Variants in ZPBP observed in about 807,000 individuals in gnomAD.
ZPBP encodes the protein zona pellucida binding protein, also known as zona pellucida-binding protein 1.
Under a neutral mutation model 44.8 loss-of-function variants are expected in ZPBP, and 26 were observed. The observed-to-expected ratio is 0.58, with a 90% CI of 0.43 to 0.81. The LOEUF (loss-of-function observed/expected upper bound fraction) is 0.81, where lower values mean the gene tolerates loss of function less well. Among genes scored for constraint, ZPBP ranks in the 30% least tolerant of loss-of-function variants. The probability of loss-of-function intolerance (pLI) is 0.00; values close to 1 mark genes in which losing one functional copy is unlikely to be tolerated. For missense variants in ZPBP, 409 were observed against 434.0 expected (o/e 0.94, Z 0.51); for synonymous variants, 174 against 153.2 (o/e 1.14, Z -1.00).
At chr7:49,877,013 G>T (rs1366969168) in intron 2 of ZPBP, among the ~76,000 whole-genome samples, 4 of 152,118 alleles carry the variant, frequency 2.6e-5, no homozygotes, top group Non-Finnish European at 4.4e-5. Flanking sequence ...GTCTTGGGGT[G>T]CAGGGCACTC....
chr7:49,982,451 C>T (rs568090022), intron 7 of ZPBP, among the ~76,000 whole-genome samples: 2 of 145,148 alleles, frequency 1.4e-5, no homozygotes, highest in East Asian at 3.9e-4. Context: ...TATTCTATTT[C>T]CTAATATTCC....
intron 6 of ZPBP, among the ~76,000 whole-genome samples, chr7:49,995,879 G>A (rs1438428680): frequency 6.6e-6 from 1 of 152,124 alleles, no homozygotes; most frequent in Admixed American, 6.6e-5. Context: ...GAGGGTTTGG[G>A]GGCGGGCAGT....
rs1226177998 is a variant in ZPBP, at chr7:50,084,237, T to C, written c.209-2338A>G. 2.6e-5 allele frequency among the ~76,000 whole-genome samples: 4 copies of C among 151,960 alleles called. No individual in the cohort carries two copies. The East Asian group carries it at 7.8e-4, about 29-fold the overall frequency. ...AAGCACCACTGAAGGAAGTGTGAAC[T>C]GGTGCAGCCTTTTTGAAGAGCAAAG... is the stretch of plus-strand genomic sequence containing the variant. On this transcript the variant is annotated intron_variant, in intron 2 of 7. Transcript: ENST00000046087.
chr7:49,940,659 A>T (rs1794836267), intron 7 of ZPBP: 1 of 672,158 alleles, frequency 1.5e-6, no homozygotes. Flanking sequence ...GAATCCAAAA[A>T]AAAAAAAGCT....
chr7:50,063,581 C>A (rs1400810640), intron 3 of ZPBP, among the ~76,000 whole-genome samples: 1 of 152,052 alleles, frequency 6.6e-6, no homozygotes, highest in African/African-American at 2.4e-5. Context: ...GTTTTGAATC[C>A]TTTAAAGCTT....
At chr7:50,040,671 G>T (rs1037350355) in intron 4 of ZPBP, among the ~76,000 whole-genome samples, 1 of 152,188 alleles carries the variant, frequency 6.6e-6, no homozygotes, top group African/African-American at 2.4e-5. Context: ...CAGACCAGGA[G>T]ATTCCCTCAG....
chr7:49,889,737 T>C (rs1792051666), intron 2 of ZPBP, among the ~76,000 whole-genome samples: 1 of 152,184 alleles, frequency 6.6e-6, no homozygotes, highest in Non-Finnish European at 1.5e-5. Flanking sequence ...AAAGAACTTA[T>C]TGGAAATAAA....
In ZPBP at chr7:50,007,389, A is replaced by G. The variant is rs565059229; in HGVS notation, c.783+10851T>C. Among the ~76,000 whole-genome samples, 247 of 152,174 alleles carry G rather than the reference A, an allele frequency of 1.6e-3. 8 individuals carry two copies. The South Asian group carries it at 0.049, about 30-fold the overall frequency. On this transcript the variant is annotated intron_variant, in intron 6 of 7. Coordinates refer to ENST00000046087, the MANE Select transcript of ZPBP (RefSeq NM_007009.3). ...CTGTAACTAGTAAGGAAATTGAATC[A>G]GTAACAAAAAACTTTCCAACAAAGA...
chr7:49,911,762 T>C (rs1385409300), intron 1 of ZPBP, among the ~76,000 whole-genome samples: 2 of 151,792 alleles, frequency 1.3e-5, no homozygotes, highest in African/African-American at 4.8e-5. Flanking sequence ...CTGGGTATAG[T>C]GGCATGCCCC....
chr7:49,846,361 C>A (rs746060489), downstream of ZPBP, among the ~76,000 whole-genome samples: 2 of 152,338 alleles, frequency 1.3e-5, no homozygotes, highest in Non-Finnish European at 2.9e-5. Context: ...GGTCTCTTAA[C>A]AGCTGTCCAC....
chr7:49,872,980 C>T (rs483739), intron 2 of ZPBP, among the ~76,000 whole-genome samples: 3,204 of 140,562 alleles, frequency 0.023, 135 homozygotes, highest in African/African-American at 0.079. Flanking sequence ...AAATAATTCT[C>T]TAAATAATTA....
chr7:49,981,365 AATTATATATATTATATATAATTATATAT>A (rs1476352072), intron 7 of ZPBP, among the ~76,000 whole-genome samples: 30 of 14,770 alleles, frequency 2.0e-3, no homozygotes, highest in East Asian at 3.7e-3. Flanking sequence ...TATTATATAT[AATTATATATATTATATATAATTATATAT>A]ATTATATATA....
rs78978689 is a variant in ZPBP, at chr7:49,926,274, G to T, written n.411+9477C>A. 8.5e-5 allele frequency among the ~76,000 whole-genome samples: 13 copies of T among 152,288 alleles called. No homozygotes were observed. In the East Asian group the frequency reaches 2.5e-3, roughly 29 times the overall value. ...TCTTGTGGAACATAATGCTCTGTTG[G>T]GTTATTTTAACTTCATATAATTTAT... is the stretch of plus-strand genomic sequence containing the variant. On this transcript the variant is annotated intron_variant and non_coding_transcript_variant, in intron 1 of 2. Coordinates refer to the ZPBP transcript ENST00000465922.
At chr7:49,857,009 C>CAAAAAAAAAAAA (rs59910243) in intron 2 of ZPBP, among the ~76,000 whole-genome samples, 27 of 52,786 alleles carry the variant, frequency 5.1e-4, no homozygotes, top group South Asian at 3.1e-3. Context: ...GATACTGTCT[C>CAAAAAAAAAAAA]AAAAAAAAAA....
intron 7 of ZPBP, among the ~76,000 whole-genome samples, chr7:49,977,668 T>A (rs6948934): frequency 0.8 from 121,157 of 151,926 alleles, 48,465 homozygotes; most frequent in East Asian, 0.89. Flanking sequence ...ATTCTTTTTT[T>A]AAAAAAGAGA....
At chr7:50,033,585 G>A (rs995726229) in intron 4 of ZPBP, among the ~76,000 whole-genome samples, 13 of 152,276 alleles carry the variant, frequency 8.5e-5, no homozygotes, top group African/African-American at 3.1e-4. Context: ...TCCTAAACTG[G>A]AGAGGATTTT....
chr7:50,067,978 A>G (rs574148555), intron 3 of ZPBP, among the ~76,000 whole-genome samples: 1 of 152,300 alleles, frequency 6.6e-6, no homozygotes, highest in South Asian at 2.1e-4. Flanking sequence ...TAGAACCTCT[A>G]TGGCCTCCCT....
At chr7:49,861,456 T>C (rs1254367428) in intron 2 of ZPBP, among the ~76,000 whole-genome samples, 2 of 152,220 alleles carry the variant, frequency 1.3e-5, no homozygotes, top group South Asian at 2.1e-4. Flanking sequence ...TTCACTGTCT[T>C]GATAAAATAT....
At chr7:49,899,507 A>T (rs991151760) in intron 2 of ZPBP, among the ~76,000 whole-genome samples, 1 of 152,166 alleles carries the variant, frequency 6.6e-6, no homozygotes, top group East Asian at 1.9e-4. Context: ...GACTAATCAA[A>T]ATAAAGGATA....
Sources: allele counts gnomAD v4.1 joint callset (sites outside exome capture counted in the v4.1 genomes callset), GRCh38; gene constraint gnomAD v4.1.1; transcripts MANE v1.5; gene names NCBI Gene and HGNC (gene_info 2026-07-23, HGNC 2026-07-21).